CTPS1: variants seen among roughly 807,000 people sequenced by gnomAD.
The protein encoded by CTPS1 is CTP synthetase 1.
A neutral mutation model predicts 80.5 loss-of-function variants in CTPS1; 25 were observed. The ratio of observed to expected loss-of-function variants is 0.31; its 90% confidence interval spans 0.23 to 0.43. CTPS1 has a LOEUF of 0.43. Among genes scored for constraint, CTPS1 ranks in the 20% least tolerant of loss-of-function variants. The pLI, the probability that CTPS1 is intolerant of heterozygous loss-of-function variation, is 1.00. For synonymous variants in CTPS1, 267 were observed against 252.5 expected (o/e 1.06, Z -0.54); for missense variants, 442 against 725.7 (o/e 0.61, Z 4.49).
rs376970699 is a variant in CTPS1 at position 40,984,896 on chromosome 1, G to A, written c.242G>A (p.Arg81His). 3.1e-5 allele frequency: 50 copies of A among 1,605,554 alleles called. No individual in the cohort carries two copies. The highest frequency in any genetic ancestry group is 5.6e-5 in the South Asian group (5 of 89,610). Reference sequence around the variant, plus strand: ...AACTATGAGCGGTTCCTTGACATCCGCCTCACCAAGGACAATAATCTGACC... The same window carrying A: ...AACTATGAGCGGTTCCTTGACATCCACCTCACCAAGGACAATAATCTGACC... ...LGNYERFLDI[R>H]LTKDNNLTTG... is the part of the protein sequence containing the mutation. The change falls in exon 3 of 19, where the codon CGC (arginine) becomes CAC (histidine). Residue 81 changes from arginine to histidine, a missense_variant. Around this residue, in one of 4 missense-constraint regions of CTPS1, gnomAD observed 69 missense variants for 102.1 expected, o/e 0.68. Transcript: ENST00000650070.
At position 40,988,677 on chromosome 1, in the gene CTPS1, C is replaced by G. The variant is rs1375055654; in HGVS notation, c.522C>G (p.Asn174Lys). The G allele has an allele frequency of 6.2e-7, 1 of 1,613,804 alleles. No homozygotes were observed. Among genetic ancestry groups the G allele is most frequent in the Non-Finnish European group, 8.5e-7 (1 of 1,179,874 alleles). Residue 174 changes from asparagine to lysine, a missense_variant, in exon 5 of 19, where the codon AAC becomes AAG. Asn to Lys is a moderately conservative substitution (Grantham distance 94, BLOSUM62 0). Transcript: ENST00000650070. ...RQFQFKVKRENFCNIHVSLVP... is the reference protein window; with the variant it reads ...RQFQFKVKREKFCNIHVSLVP... ...TCCAATTCAAGGTCAAAAGAGAGAACTTTTGTAACATCCACGTCAGTCTAG... is the reference window on the plus strand; with the variant it reads ...TCCAATTCAAGGTCAAAAGAGAGAAGTTTTGTAACATCCACGTCAGTCTAG...
intron 17 of CTPS1, among the ~76,000 whole-genome samples, 193 bp from the exon 18 acceptor site, chr1:41,009,968 G>T (rs1406149832): frequency 6.6e-6 from 1 of 152,238 alleles, no homozygotes; most frequent in Non-Finnish European, 1.5e-5. Context: ...AGTATAAATG[G>T]AATGTATATC....
chr1:40,994,279 T>C (rs1383972793), intron 7 of CTPS1, among the ~76,000 whole-genome samples: 2 of 152,160 alleles, frequency 1.3e-5, no homozygotes, highest in African/African-American at 2.4e-5. Flanking sequence ...TTGTGTGTAG[T>C]GTGAGGTAAG....
chr1:40,999,752 G>A (rs749129089), intron 9 of CTPS1, among the ~76,000 whole-genome samples: 11 of 152,186 alleles, frequency 7.2e-5, no homozygotes, highest in South Asian at 2.1e-4. Flanking sequence ...CAAATTATTC[G>A]TAATAGCTGA....
At chr1:41,006,152 G>C in intron 13 of CTPS1, 58 bp downstream of exon 13, 1 of 1,364,248 alleles carries the variant, frequency 7.3e-7, no homozygotes, top group Non-Finnish European at 1.0e-6. Context: ...GGGCATTTAT[G>C]AACGTGATTG....
At chr1:40,997,872 T>C (rs1006157037) in intron 9 of CTPS1, among the ~76,000 whole-genome samples, 1 of 152,184 alleles carries the variant, frequency 6.6e-6, no homozygotes, top group Non-Finnish European at 1.5e-5. Context: ...TTGGAGACTT[T>C]GTTGGCATGT....
At chr1:40,983,690 A>C (rs1020722805) in intron 2 of CTPS1, among the ~76,000 whole-genome samples, 3 of 148,088 alleles carry the variant, frequency 2.0e-5, no homozygotes, top group Non-Finnish European at 4.4e-5. Context: ...TGGTGTGATC[A>C]TGGCTCGCTG....
intron 1 of CTPS1, chr1:40,980,318 C>A (rs993609629): frequency 6.6e-6 from 1 of 152,030 alleles, no homozygotes; most frequent in African/African-American, 2.4e-5. Flanking sequence ...CCGCCCGGGG[C>A]TGGGCGCGGC....
intron 13 of CTPS1, among the ~76,000 whole-genome samples, chr1:41,006,442 C>G (rs536023248): frequency 2.0e-5 from 3 of 152,196 alleles, no homozygotes; most frequent in Non-Finnish European, 2.9e-5. Flanking sequence ...TGTGTGCCAG[C>G]CGCTGCTCTC....
At position 41,010,225 on chromosome 1, in the gene CTPS1, C is replaced by G; in HGVS notation, c.1756C>G (p.Pro586Ala). The G allele has an allele frequency of 6.2e-7, 1 of 1,613,532 alleles. No individual in the cohort carries two copies. The highest frequency in any genetic ancestry group is 8.5e-7 in the Non-Finnish European group (1 of 1,179,476). The change falls in exon 18 of 19, where the codon CCA (proline) becomes GCA (alanine). Residue 586 changes from proline (P) to alanine (A), a missense_variant. This residue lies in a region of CTPS1 where 321 missense variants were observed against 467.2 expected (regional missense o/e 0.69). Transcript: ENST00000650070. Reference protein sequence around the residue: ...PDSEITELKFPSINHD With the variant: ...PDSEITELKFASINHD ...CTCTGAAATCACCGAACTGAAGTTT[C>G]CATCAATAAATCATGACTGATCTTG...
In CTPS1 at chr1:41,006,034, G is replaced by A; in HGVS notation, c.1253-17G>A. 1 of 1,600,866 alleles carries A rather than the reference G, an allele frequency of 6.2e-7. No individual in the cohort carries two copies. The highest frequency in any genetic ancestry group is 8.6e-7 in the Non-Finnish European group (1 of 1,167,936). Reference sequence around the variant, plus strand: ...TCGTTTGTAACTATTTTCATAACAAGTATTTTGGTATTTCAGATGCCAATT... The same window carrying A: ...TCGTTTGTAACTATTTTCATAACAAATATTTTGGTATTTCAGATGCCAATT... On this transcript the variant is annotated splice_polypyrimidine_tract_variant and intron_variant, in intron 12 of 18. Transcript: ENST00000650070.
chr1:40,993,117 C>A (rs575967790), intron 7 of CTPS1, among the ~76,000 whole-genome samples: 1 of 152,118 alleles, frequency 6.6e-6, no homozygotes, highest in South Asian at 2.1e-4. Flanking sequence ...GTGGAGCAAT[C>A]TCAGCTCAGT....
At chr1:40,982,377 A>C (rs1642334355) in intron 1 of CTPS1, among the ~76,000 whole-genome samples, 1 of 150,624 alleles carries the variant, frequency 6.6e-6, no homozygotes, top group Non-Finnish European at 1.5e-5. Context: ...TTGTTGTTAA[A>C]TTATAGAAGA....
intron 5 of CTPS1, 133 bp from the exon 6 acceptor site, chr1:40,991,032 A>G (rs1317609893): frequency 2.9e-6 from 2 of 685,632 alleles, no homozygotes; most frequent in Admixed American, 6.3e-5. Context: ...AACTTTGACA[A>G]ACATAAAAGC....
intron 7 of CTPS1, 125 bp downstream of exon 7, chr1:40,991,970 A>G (rs1642621235): frequency 4.1e-6 from 3 of 730,474 alleles, no homozygotes; most frequent in African/African-American, 1.8e-5. Context: ...AGAAGAACCC[A>G]TTGCCATCGG....
chr1:40,996,122 G>A (rs1394197053), intron 8 of CTPS1, 54 bp downstream of exon 8: 2 of 1,602,760 alleles, frequency 1.2e-6, no homozygotes, highest in Admixed American at 1.7e-5. Context: ...CTTTTGTAGG[G>A]CTGGTGAAGC....
intron 9 of CTPS1, among the ~76,000 whole-genome samples, chr1:40,999,751 C>T (rs955267612): frequency 2.0e-5 from 3 of 152,208 alleles, no homozygotes; most frequent in African/African-American, 4.8e-5. Flanking sequence ...ACAAATTATT[C>T]GTAATAGCTG....
chr1:40,990,502 A>G (rs1642575422), intron 5 of CTPS1, among the ~76,000 whole-genome samples: 1 of 152,124 alleles, frequency 6.6e-6, no homozygotes, highest in Admixed American at 6.6e-5. Flanking sequence ...ATTCTAGTGG[A>G]GGCTGAGCAT....
intron 8 of CTPS1, 49 bp downstream of exon 8, chr1:40,996,117 G>T: frequency 6.2e-7 from 1 of 1,608,972 alleles, no homozygotes; most frequent in Non-Finnish European, 8.5e-7. Context: ...TTACTCTTTT[G>T]TAGGGCTGGT....
Sources: gnomAD v4.1 joint callset for allele counts (sites outside exome capture counted in the v4.1 genomes callset) on GRCh38, gnomAD v4.1.1 for gene constraint, gnomAD v4.1.1 regional missense constraint, MANE v1.5 for transcripts, NCBI Gene and HGNC (gene_info 2026-07-23, HGNC 2026-07-21) for gene names.